The following MAN1A2 variants were observed in gnomAD, a reference collection of about 807,000 sequenced individuals.
MAN1A2 encodes mannosyl-oligosaccharide 1,2-alpha-mannosidase IB.
Under a neutral mutation model 75.7 loss-of-function variants are expected in MAN1A2, and 26 were observed. The ratio of observed to expected loss-of-function variants is 0.34; its 90% confidence interval spans 0.25 to 0.48. The LOEUF (loss-of-function observed/expected upper bound fraction) is 0.48. Ranked by LOEUF, MAN1A2 falls within the 20% of genes least tolerant of loss-of-function variation. The pLI, the probability that MAN1A2 is intolerant of heterozygous loss-of-function variation, is 0.99. For missense variants in MAN1A2, 562 were observed against 775.5 expected (o/e 0.72, Z 3.27); for synonymous variants, 247 against 264.6 (o/e 0.93, Z 0.65).
intron 1 of MAN1A2, among the ~76,000 whole-genome samples, chr1:117,385,544 G>A (rs1653495107): frequency 1.3e-5 from 2 of 152,154 alleles, no homozygotes; most frequent in African/African-American, 2.4e-5. Flanking sequence ...CGGATGTTGT[G>A]ATGGATCAAA....
chr1:117,459,409 G>A (rs1404691928), intron 6 of MAN1A2, among the ~76,000 whole-genome samples: 1 of 152,110 alleles, frequency 6.6e-6, no homozygotes, highest in Admixed American at 6.5e-5. Context: ...ACATGCTAGT[G>A]GGGAAACAGA....
chr1:117,445,787 A>G (rs1484574144), intron 6 of MAN1A2, among the ~76,000 whole-genome samples: 2 of 150,224 alleles, frequency 1.3e-5, no homozygotes, highest in Non-Finnish European at 3.0e-5. Flanking sequence ...TTGGCCTCCC[A>G]AGGTGCTAGG....
intron 12 of MAN1A2, among the ~76,000 whole-genome samples, chr1:117,521,950 A>G (rs911420680): frequency 1.3e-5 from 2 of 151,970 alleles, no homozygotes; most frequent in Admixed American, 6.6e-5. Context: ...CAAGCATCGT[A>G]TGTTCTCACT....
rs2796206 is a variant in MAN1A2 at position 117,399,667 on chromosome 1, C to A, written c.303-2519C>A. On this transcript the variant is annotated intron_variant, in intron 1 of 12. Coordinates refer to ENST00000356554, the MANE Select transcript of MAN1A2 (RefSeq NM_006699.5). ...TCCCTCTTTCTCTTCTGTCCTGAAC[C>A]ATGTTGGCCACTTGACCTCAGGCTT... 4.1e-3 allele frequency among the ~76,000 whole-genome samples: 626 copies of A among 152,282 alleles called. 3 individuals carry two copies. The highest frequency in any genetic ancestry group is 0.014 in the African/African-American group (594 of 41,550).
intron 1 of MAN1A2, among the ~76,000 whole-genome samples, chr1:117,375,025 GTTAGTT>G (rs1451184119): frequency 7.2e-5 from 11 of 152,188 alleles, no homozygotes; most frequent in African/African-American, 9.6e-5. Flanking sequence ...CTTGTTTCTT[GTTAGTT>G]TTAAAGTATA....
intron 8 of MAN1A2, among the ~76,000 whole-genome samples, chr1:117,469,083 G>GGTGGACCCAGGCACTTGAACCCAGGAGGC (rs1233507688): frequency 2.0e-4 from 30 of 152,106 alleles, no homozygotes; most frequent in African/African-American, 7.0e-4. Context: ...GGAGGCAGGA[G>GGTGGACCCAGGCACTTGAACCCAGGAGGC]AGTCACTTGA....
At chr1:117,481,287 G>A (rs1650488064) in intron 8 of MAN1A2, among the ~76,000 whole-genome samples, 1 of 150,170 alleles carries the variant, frequency 6.7e-6, no homozygotes, top group Non-Finnish European at 1.5e-5. Flanking sequence ...CAAATATTCT[G>A]TACCTCTTCT....
chr1:117,509,150 TAAAGTA>T (rs1651458374), intron 12 of MAN1A2, among the ~76,000 whole-genome samples: 1 of 151,560 alleles, frequency 6.6e-6, no homozygotes, highest in Non-Finnish European at 1.5e-5. Context: ...GAGCACTAAG[TAAAGTA>T]AAAGACAGAT....
rs1293135591 is a variant in MAN1A2, at chr1:117,368,362, C to T, written c.179C>T (p.Ser60Phe). The change falls in exon 1 of 13, where the codon TCT (serine) becomes TTT (phenylalanine). Residue 60 changes from serine to phenylalanine, a missense_variant. Transcript: ENST00000356554. ...CFGAFFFLPD[S>F]SKHKRFDLGL... ...GGGGCATTCTTTTTCCTTCCAGACT[C>T]TTCAAAACACAAACGCTTTGATTTG... is the stretch of plus-strand genomic sequence containing the variant. The T allele has an allele frequency of 2.5e-6, 4 of 1,614,060 alleles. No individual in the cohort carries two copies. Among genetic ancestry groups the T allele is most frequent in the Non-Finnish European group, 3.4e-6 (4 of 1,180,048 alleles).
In MAN1A2 at chr1:117,523,863, C is replaced by G. The variant is rs1256915984; in HGVS notation, c.*906C>G. The G allele has an allele frequency of 6.6e-6, 1 of 151,840 alleles. No homozygotes were observed. The highest frequency in any genetic ancestry group is 1.5e-5 in the Non-Finnish European group (1 of 67,808). 9.4% of individuals were successfully genotyped at this position (151,840 alleles called of 1,614,324 possible). A position where few individuals can be genotyped will look rare whatever the true frequency, so the allele number is the denominator to read the frequency against. On this transcript the variant is annotated 3_prime_UTR_variant, in exon 13 of 13. Transcript: ENST00000356554. Reference sequence around the variant, plus strand: ...ACACATCTACCAAGTAAATTTTATTCACTTTAATTTCATAATAAAGTTAGT... The same window carrying G: ...ACACATCTACCAAGTAAATTTTATTGACTTTAATTTCATAATAAAGTTAGT...
At chr1:117,440,406 A>C (rs143416059) in intron 5 of MAN1A2, among the ~76,000 whole-genome samples, 279 of 152,292 alleles carry the variant, frequency 1.8e-3, no homozygotes, top group Middle Eastern at 3.4e-3. Flanking sequence ...TACTTTTGAT[A>C]CTTTTTGGAT....
intron 2 of MAN1A2, 29 bp downstream of exon 2, chr1:117,402,470 T>A (rs1570714381): frequency 6.4e-7 from 1 of 1,551,648 alleles, no homozygotes; most frequent in Non-Finnish European, 8.7e-7. Flanking sequence ...TGATATGGAG[T>A]GTTTATGGAT....
In MAN1A2 at chr1:117,528,579, A is replaced by C. The variant is rs964846862; in HGVS notation, c.*5622A>C. 1.3e-5 allele frequency: 2 copies of C among 152,100 alleles called. No homozygotes were observed. The highest frequency in any genetic ancestry group is 4.8e-5 in the African/African-American group (2 of 41,430). The allele number at this position is 152,100 out of a possible 1,614,324, so 9.4% of individuals were successfully genotyped here. A position where few individuals can be genotyped will look rare whatever the true frequency, so the allele number is the denominator to read the frequency against. Reference sequence around the variant, plus strand: ...ATAATAAAGATAAGCTCAGTTCTTCATTGGGAAAAAATATTTTTAAAGAAA... The same window carrying C: ...ATAATAAAGATAAGCTCAGTTCTTCCTTGGGAAAAAATATTTTTAAAGAAA... On this transcript the variant is annotated 3_prime_UTR_variant, in exon 13 of 13. Coordinates refer to ENST00000356554, the MANE Select transcript of MAN1A2 (RefSeq NM_006699.5).
chr1:117,436,631 G>A (rs1001457624), intron 5 of MAN1A2, among the ~76,000 whole-genome samples: 9 of 152,182 alleles, frequency 5.9e-5, no homozygotes, highest in African/African-American at 2.2e-4. Flanking sequence ...ATGAGGTAAT[G>A]TCCACCCTGG....
At position 117,522,849 on chromosome 1, in the gene MAN1A2, T is replaced by G. The variant is rs1651905188; in HGVS notation, c.1818T>G (p.Gly606=). The change falls in exon 13 of 13, where the codon GGT becomes GGG. Residue 606 remains glycine (G), a synonymous_variant. Transcript: ENST00000356554. ...TLKYLYLLFS[G]DDLLPLDHWV... ...GATATTTGTATCTGCTGTTCTCCGG[T>G]GATGACCTTTTACCTTTAGACCACT... The G allele has an allele frequency of 6.2e-7, 1 of 1,611,542 alleles. No homozygotes were observed. Among genetic ancestry groups the G allele is most frequent in the Non-Finnish European group, 8.5e-7 (1 of 1,178,364 alleles).
intron 5 of MAN1A2, 127 bp from the exon 6 acceptor site, chr1:117,442,104 A>G (rs1238516277): frequency 3.7e-6 from 2 of 539,856 alleles, no homozygotes; most frequent in Non-Finnish European, 6.6e-6. Context: ...TACCAATGAG[A>G]TGCTTTTTCC....
At chr1:117,498,763 C>A (rs12121530) in intron 10 of MAN1A2, among the ~76,000 whole-genome samples, 17,064 of 151,770 alleles carry the variant, frequency 0.11, 1,052 homozygotes, top group Non-Finnish European at 0.14. Flanking sequence ...AAGTACAATC[C>A]TAGTTTTGCT....
In MAN1A2 at chr1:117,499,401, A is replaced by T; in HGVS notation, c.1524A>T (p.Glu508Asp). ...TTACAGCATTAAAGCTAGGTCCTGA[A>T]TCATTCAAGTTTGATGGTGCAGTGG... ...YDRTALKLGP[E>D]SFKFDGAVEA... Residue 508 changes from glutamate to aspartate, a missense_variant, in exon 11 of 13, where the codon GAA (glutamate) becomes GAT (aspartate). Transcript: ENST00000356554. 1.3e-6 allele frequency: 2 copies of T among 1,592,348 alleles called. No individual in the cohort carries two copies. Among genetic ancestry groups the T allele is most frequent in the Non-Finnish European group, 1.7e-6 (2 of 1,170,188 alleles).
At chr1:117,489,177 T>A (rs2101869033) in intron 8 of MAN1A2, among the ~76,000 whole-genome samples, 1 of 152,218 alleles carries the variant, frequency 6.6e-6, no homozygotes, top group East Asian at 1.9e-4. Flanking sequence ...TATCTTTAGT[T>A]TTTTATTAAT....
Sources: allele counts gnomAD v4.1 joint callset (sites outside exome capture counted in the v4.1 genomes callset), GRCh38; gene constraint gnomAD v4.1.1; transcripts MANE v1.5; gene names NCBI Gene and HGNC (gene_info 2026-07-23, HGNC 2026-07-21).